The following CCDC198 variants were observed in gnomAD, a reference collection of about 807,000 sequenced individuals.
CCDC198 encodes the protein factor associated with metabolism and energy.
Under a neutral mutation model 35.6 loss-of-function variants are expected in CCDC198, and 18 were observed. That is an observed-to-expected ratio of 0.51 (90% CI 0.35 to 0.75). CCDC198 has a LOEUF of 0.75. Among genes scored for constraint, CCDC198 ranks in the 30% least tolerant of loss-of-function variants. The pLI is 0.01. For missense variants in CCDC198, 365 were observed against 343.7 expected, an observed-to-expected ratio of 1.06 and a Z score of -0.49; for synonymous variants, 119 against 113.4, an observed-to-expected ratio of 1.05 and a Z score of -0.31.
chr14:57,476,778 T>A (rs967664745), intron 5 of CCDC198, among the ~76,000 whole-genome samples: 1 of 152,088 alleles, frequency 6.6e-6, no homozygotes, highest in Admixed American at 6.5e-5. Flanking sequence ...CAGACCCTGA[T>A]AGTAGAATGC....
At chr14:57,478,237 A>C (rs1215415355) in intron 5 of CCDC198, among the ~76,000 whole-genome samples, 1 of 152,100 alleles carries the variant, frequency 6.6e-6, no homozygotes, top group African/African-American at 2.4e-5. Flanking sequence ...CACAACCCCC[A>C]CATTTGCAAA....
At chr14:57,475,545 A>G in intron 5 of CCDC198, 1 of 635,938 alleles carries the variant, frequency 1.6e-6, no homozygotes, top group Non-Finnish European at 2.3e-6. Context: ...CGTCTCTACT[A>G]CAAATACAAA....
At chr14:57,473,104 A>G (rs1248625058) in intron 5 of CCDC198, among the ~76,000 whole-genome samples, 2 of 152,250 alleles carry the variant, frequency 1.3e-5, no homozygotes, top group African/African-American at 2.4e-5. Flanking sequence ...AGCTACACAT[A>G]TTGAATGTAT....
rs148651436 is a variant in CCDC198, at chr14:57,480,776, T to C, written c.496-22A>G. Reference sequence around the variant, plus strand: ...GGGCCTGAAAATCATCAACTATAAATGATCAATGTTCTTCCCAAGCTACTT... The same window carrying C: ...GGGCCTGAAAATCATCAACTATAAACGATCAATGTTCTTCCCAAGCTACTT... On this transcript the variant is annotated intron_variant, in intron 4 of 5. Transcript: ENST00000216445. 3.4e-4 allele frequency: 545 copies of C among 1,612,494 alleles called. 5 individuals are homozygous for C. In the East Asian group the frequency reaches 0.012, roughly 36 times the overall value.
At chr14:57,478,669 G>C (rs925525745) in intron 5 of CCDC198, 1 of 997,110 alleles carries the variant, frequency 1.0e-6, no homozygotes, top group Non-Finnish European at 1.2e-6. Context: ...TGGTTGTTTT[G>C]TGTATATTTT....
At chr14:57,477,198 A>G (rs746049072) in intron 5 of CCDC198, among the ~76,000 whole-genome samples, 3 of 152,228 alleles carry the variant, frequency 2.0e-5, no homozygotes, top group South Asian at 2.1e-4. Flanking sequence ...TTATCCCAGT[A>G]TCCTATACTT....
intron 5 of CCDC198, among the ~76,000 whole-genome samples, chr14:57,471,893 A>G (rs979959913): frequency 2.0e-5 from 3 of 151,802 alleles, no homozygotes; most frequent in African/African-American, 7.3e-5. Flanking sequence ...CATCATATAT[A>G]TGCATATATC....
At chr14:57,487,291 G>C (rs1374510891) in intron 2 of CCDC198, among the ~76,000 whole-genome samples, 1 of 152,178 alleles carries the variant, frequency 6.6e-6, no homozygotes, top group Non-Finnish European at 1.5e-5. Context: ...AGCATAATCA[G>C]TTGAAGCGTC....
At chr14:57,471,847 T>C (rs1035249093) in intron 5 of CCDC198, among the ~76,000 whole-genome samples, 6 of 151,616 alleles carry the variant, frequency 4.0e-5, no homozygotes, top group East Asian at 1.9e-4. Context: ...CACACCTATA[T>C]ACCCCATCCA....
At chr14:57,488,041 C>G (rs1262358104) in intron 2 of CCDC198, among the ~76,000 whole-genome samples, 1 of 152,128 alleles carries the variant, frequency 6.6e-6, no homozygotes, top group East Asian at 1.9e-4. Flanking sequence ...AAATCATGAG[C>G]AAAGCTGAGC....
At chr14:57,476,866 A>G (rs951636327) in intron 5 of CCDC198, among the ~76,000 whole-genome samples, 3 of 152,246 alleles carry the variant, frequency 2.0e-5, no homozygotes, top group Admixed American at 1.3e-4. Flanking sequence ...GGAGAAAGCG[A>G]ACTACTTTTA....
At chr14:57,477,297 A>C (rs1437017827) in intron 5 of CCDC198, among the ~76,000 whole-genome samples, 2 of 152,178 alleles carry the variant, frequency 1.3e-5, no homozygotes, top group Non-Finnish European at 2.9e-5. Context: ...TCATCAAACA[A>C]ATTTCCAGTG....
At chr14:57,490,847 G>C (rs538436126) in intron 2 of CCDC198, 142 bp downstream of exon 2, 23 of 797,166 alleles carry the variant, frequency 2.9e-5, no homozygotes, top group Non-Finnish European at 3.9e-5. Flanking sequence ...GAGTATTTGC[G>C]ATTGATGACA....
In CCDC198 at chr14:57,475,484, G is replaced by A. The variant is rs181470821; in HGVS notation, c.656-3894C>T. 7.1e-4 allele frequency: 845 copies of A among 1,188,826 alleles called. 7 individuals carry two copies. The African/African-American group carries it at 0.012, about 18-fold the overall frequency. The allele number at this position is 1,188,826 out of a possible 1,614,324, so 73.6% of individuals were successfully genotyped here. A position where few individuals can be genotyped will look rare whatever the true frequency, so the allele number is the denominator to read the frequency against. On this transcript the variant is annotated intron_variant, in intron 5 of 5. Coordinates refer to ENST00000216445, the MANE Select transcript of CCDC198 (RefSeq NM_018168.4). Reference sequence around the variant, plus strand: ...GGCGCGGTGGCTCATGCCTGTAATCGGATCATGAGGTCAGGAGTTCGAGAC... The same window carrying A: ...GGCGCGGTGGCTCATGCCTGTAATCAGATCATGAGGTCAGGAGTTCGAGAC...
intron 2 of CCDC198, 84 bp from the exon 3 acceptor site, chr14:57,483,235 A>T: frequency 6.3e-7 from 1 of 1,598,256 alleles, no homozygotes; most frequent in Non-Finnish European, 8.5e-7. Context: ...AATTATCTTA[A>T]CACTTTGCAA....
chr14:57,491,170 T>A, intron 1 of CCDC198, 99 bp from the exon 2 acceptor site: 7 of 1,244,820 alleles, frequency 5.6e-6, no homozygotes, highest in Non-Finnish European at 7.9e-6. Flanking sequence ...CACAATTTTG[T>A]ACCTTTTCAG....
At chr14:57,480,268 T>A in intron 5 of CCDC198, 1 of 985,448 alleles carries the variant, frequency 1.0e-6, no homozygotes. Context: ...TATATCTTCA[T>A]ATGCTTCATT....
At chr14:57,480,100 C>T (rs973617867) in intron 5 of CCDC198, 1 of 192,018 alleles carries the variant, frequency 5.2e-6, no homozygotes, top group Admixed American at 6.5e-5. Flanking sequence ...AGTAGATCAG[C>T]AGGAACAGCA....
In CCDC198 at chr14:57,481,799, A is replaced by T. The variant is rs912944665; in HGVS notation, c.394-139T>A. 6 of 588,270 alleles carry T rather than the reference A, an allele frequency of 1.0e-5. No individual in the cohort carries two copies. In the African/African-American group the frequency reaches 1.1e-4, roughly 11 times the overall value. 36.4% of individuals were successfully genotyped at this position (588,270 alleles called of 1,614,324 possible). A position where few individuals can be genotyped will look rare whatever the true frequency, so the allele number is the denominator to read the frequency against. On this transcript the variant is annotated intron_variant, in intron 3 of 5. Coordinates refer to ENST00000216445, the MANE Select transcript of CCDC198 (RefSeq NM_018168.4). Reference sequence around the variant, plus strand: ...AGATATCTTGTGATGACAAAAGTGGACTATCGTGTGTCCCTGACAAGTCCT... The same window carrying T: ...AGATATCTTGTGATGACAAAAGTGGTCTATCGTGTGTCCCTGACAAGTCCT...
Sources: allele counts gnomAD v4.1 joint callset (sites outside exome capture counted in the v4.1 genomes callset), GRCh38; gene constraint gnomAD v4.1.1; transcripts MANE v1.5; gene names NCBI Gene and HGNC (gene_info 2026-07-23, HGNC 2026-07-21).